MRTFA: variants seen among roughly 807,000 people sequenced by gnomAD.
MRTFA encodes myocardin-related transcription factor A.
In MRTFA, 20 loss-of-function variants were observed where a neutral mutation model predicts 83.5. The ratio of observed to expected loss-of-function variants is 0.24; its 90% CI spans 0.17 to 0.35. MRTFA has a LOEUF of 0.35. Ranked by LOEUF, MRTFA falls within the 10% of genes least tolerant of loss-of-function variation. The pLI, the probability that MRTFA is intolerant of heterozygous loss-of-function variation, is 1.00. For missense variants in MRTFA, 1,200 were observed against 1,224.7 expected (o/e 0.98, Z 0.30); for synonymous variants, 659 against 541.2 (o/e 1.22, Z -3.02).
rs553557779 is a variant in MRTFA, at chr22:40,476,743, C to A, written c.242-13457G>T. 3.9e-5 allele frequency among the ~76,000 whole-genome samples: 6 copies of A among 152,224 alleles called. No individual in the cohort carries two copies. In the South Asian group the frequency reaches 1.2e-3, roughly 32 times the overall value. On this transcript the variant is annotated intron_variant, in intron 3 of 14. Coordinates refer to ENST00000355630, the MANE Select transcript of MRTFA (RefSeq NM_020831.6). ...GCTGGAGTACAGATATGAACCACCG[C>A]GCAGCCTAAACACTAAGTTTCTCTT...
At chr22:40,581,388 AT>A (rs2055945550) in intron 2 of MRTFA, among the ~76,000 whole-genome samples, 2 of 152,320 alleles carry the variant, frequency 1.3e-5, no homozygotes, top group African/African-American at 4.8e-5. Flanking sequence ...TTCATAGGAC[AT>A]TCATCACCTT....
chr22:40,514,972 G>A (rs889050888), intron 3 of MRTFA, among the ~76,000 whole-genome samples: 2 of 149,338 alleles, frequency 1.3e-5, no homozygotes, highest in Non-Finnish European at 3.0e-5. Context: ...GCAGTGGCAC[G>A]ATCTTGGCTC....
intron 1 of MRTFA, among the ~76,000 whole-genome samples, chr22:40,623,326 T>TTA (rs1556029704): frequency 2.0e-5 from 3 of 152,112 alleles, no homozygotes; most frequent in South Asian, 2.1e-4. Flanking sequence ...GTCTTTTTTT[T>TTA]TTATTATTAT....
At chr22:40,457,696 T>TTAA (rs1385536494) in intron 4 of MRTFA, among the ~76,000 whole-genome samples, 1 of 151,898 alleles carries the variant, frequency 6.6e-6, no homozygotes, top group Non-Finnish European at 1.5e-5. Context: ...AAATAATTAT[T>TTAA]TCCTCACGTG....
At position 40,419,064 on chromosome 22, in the gene MRTFA, C is replaced by T. The variant is rs200129577; in HGVS notation, c.1674G>A (p.Ser558=). 6.8e-5 allele frequency: 110 copies of T among 1,609,440 alleles called. No homozygotes were observed. Among genetic ancestry groups the T allele is most frequent in the Admixed American group, 8.4e-5 (5 of 59,560 alleles). ...CGCCCGTGCTGAGCAGTGAGCGCTC[C>T]GAGGGGGTGGGAGACACGGGGGGCG... Residue 558 remains serine, a synonymous_variant, in exon 12 of 15, where the codon TCG becomes TCA. Transcript: ENST00000355630.
chr22:40,582,368 A>C (rs548794180), intron 2 of MRTFA, among the ~76,000 whole-genome samples: 1 of 152,362 alleles, frequency 6.6e-6, no homozygotes, highest in East Asian at 1.9e-4. Context: ...GAATAATGCT[A>C]TTATGAATAT....
intron 4 of MRTFA, among the ~76,000 whole-genome samples, chr22:40,454,208 C>T (rs2053545202): frequency 6.6e-6 from 1 of 152,224 alleles, no homozygotes; most frequent in Non-Finnish European, 1.5e-5. Context: ...ACAATCTCAG[C>T]TCCCAGGCTA....
intron 3 of MRTFA, among the ~76,000 whole-genome samples, chr22:40,483,379 T>TA (rs1422768595): frequency 6.6e-6 from 1 of 151,552 alleles, no homozygotes; most frequent in Non-Finnish European, 1.5e-5. Context: ...GTAATTTTTT[T>TA]TTTTTTTTTT....
At chr22:40,489,248 A>G (rs986477680) in intron 3 of MRTFA, among the ~76,000 whole-genome samples, 6 of 152,200 alleles carry the variant, frequency 3.9e-5, no homozygotes, top group Admixed American at 1.3e-4. Flanking sequence ...GATATTCTTA[A>G]TACTTTTACC....
chr22:40,426,264 A>T (rs2052951965), intron 7 of MRTFA, among the ~76,000 whole-genome samples: 1 of 151,352 alleles, frequency 6.6e-6, no homozygotes, highest in Non-Finnish European at 1.5e-5. Flanking sequence ...CCAAACCTCC[A>T]CCTCAGCCAG....
intron 1 of MRTFA, among the ~76,000 whole-genome samples, chr22:40,627,752 G>C (rs976666220): frequency 6.6e-6 from 1 of 152,182 alleles, no homozygotes; most frequent in African/African-American, 2.4e-5. Context: ...CAGTTTAGGA[G>C]GTCAAAGCGT....
At chr22:40,453,177 G>A (rs2053525993) in intron 4 of MRTFA, among the ~76,000 whole-genome samples, 1 of 152,168 alleles carries the variant, frequency 6.6e-6, no homozygotes, top group Non-Finnish European at 1.5e-5. Context: ...CCTCACTTCT[G>A]GAAAACATGT....
intron 4 of MRTFA, among the ~76,000 whole-genome samples, chr22:40,457,359 G>T (rs936982312): frequency 6.6e-6 from 1 of 151,132 alleles, no homozygotes; most frequent in Admixed American, 6.6e-5. Flanking sequence ...GAGCAAGTGA[G>T]ATTTTGTCAA....
At chr22:40,439,812 G>A (rs2147108307) in intron 4 of MRTFA, 1 of 152,632 alleles carries the variant, frequency 6.6e-6, no homozygotes, top group Middle Eastern at 3.3e-3. Flanking sequence ...GAGAAGCTGA[G>A]ACACAATAGC....
chr22:40,437,715 A>C (rs1470707607), intron 4 of MRTFA, among the ~76,000 whole-genome samples: 1 of 151,078 alleles, frequency 6.6e-6, no homozygotes, highest in East Asian at 2.0e-4. Context: ...GTGCGCCAAG[A>C]TAGTGCCACT....
At chr22:40,507,293 C>A (rs1465870032) in intron 3 of MRTFA, among the ~76,000 whole-genome samples, 1 of 151,852 alleles carries the variant, frequency 6.6e-6, no homozygotes, top group Non-Finnish European at 1.5e-5. Context: ...CCTGAGAGTT[C>A]GAGGCTGCAG....
At position 40,411,779 on chromosome 22, in the gene MRTFA, G is replaced by A. The variant is rs1297273336; in HGVS notation, c.2707C>T (p.Pro903Ser). 1 of 1,534,858 alleles carries A rather than the reference G, an allele frequency of 6.5e-7. No homozygotes were observed. Among genetic ancestry groups the A allele is most frequent in the African/African-American group, 1.4e-5 (1 of 73,050 alleles). Residue 903 changes from proline (P) to serine (S), a missense_variant, in exon 15 of 15, where the codon CCT becomes TCT. This residue lies in a region of MRTFA where 1,107 missense variants were observed against 1,041.8 expected (regional missense o/e 1.06). Transcript: ENST00000355630. ...GGGAGGGAGGGTGAGCCTGGAGGAG[G>A]TGGGGCAGCCTGGGGGAGCTCAGCA...
chr22:40,480,359 C>T (rs1377803530), intron 3 of MRTFA, among the ~76,000 whole-genome samples: 2 of 151,884 alleles, frequency 1.3e-5, no homozygotes, highest in Non-Finnish European at 2.9e-5. Flanking sequence ...AGTTATCCTC[C>T]TACCTTGGCC....
intron 3 of MRTFA, among the ~76,000 whole-genome samples, chr22:40,505,818 G>T (rs1370190313): frequency 6.6e-6 from 1 of 152,178 alleles, no homozygotes; most frequent in African/African-American, 2.4e-5. Context: ...TCAGCCTCTA[G>T]AACTATGAGA....
Sources: gnomAD v4.1 joint callset for allele counts (sites outside exome capture counted in the v4.1 genomes callset) on GRCh38, gnomAD v4.1.1 for gene constraint, gnomAD v4.1.1 regional missense constraint, MANE v1.5 for transcripts, NCBI Gene and HGNC (gene_info 2026-07-23, HGNC 2026-07-21) for gene names.